The following RIMS1 variants were observed in gnomAD, a reference collection of about 807,000 sequenced individuals.
RIMS1 encodes regulating synaptic membrane exocytosis protein 1.
In RIMS1, 83 loss-of-function variants were observed where a neutral mutation model predicts 214.1. The observed-to-expected ratio is 0.39, with a 90% confidence interval of 0.32 to 0.47. The LOEUF is 0.47. Ranked by LOEUF, RIMS1 falls within the 20% of genes least tolerant of loss-of-function variation. The probability of loss-of-function intolerance (pLI) is 0.99; values close to 1 mark genes in which losing one functional copy is unlikely to be tolerated. For missense variants in RIMS1, 2,050 were observed against 2,161.8 expected, an observed-to-expected ratio of 0.95 and a Z score of 1.03; for synonymous variants, 793 against 786.8, an observed-to-expected ratio of 1.01 and a Z score of -0.13.
At position 72,390,679 on chromosome 6, in the gene RIMS1, G is replaced by A. The variant is rs1215459585; in HGVS notation, c.4448G>A (p.Arg1483Lys). ...GCAGCTGAAATGAGAAAGATGGTAA[G>A]GCAGCCGAGCCGAGAGTCTACTGAT... is the stretch of plus-strand genomic sequence containing the variant. The part of the protein sequence containing the change: ...GMAAEMRKMV[R>K]QPSRESTDGS... Residue 1483 changes from arginine (R) to lysine (K), a missense_variant, in exon 30 of 34, where the codon AGG becomes AAG. Arg to Lys is a conservative substitution (Grantham distance 26). Coordinates refer to ENST00000521978, the MANE Select transcript of RIMS1 (RefSeq NM_014989.7). 1.9e-6 allele frequency: 3 copies of A among 1,613,824 alleles called. No homozygotes were observed. In the African/African-American group the frequency reaches 4.0e-5, roughly 22 times the overall value.
intron 4 of RIMS1, among the ~76,000 whole-genome samples, chr6:72,114,499 A>AC (rs1255818696): frequency 1.3e-5 from 2 of 151,984 alleles, no homozygotes; most frequent in Non-Finnish European, 2.9e-5. Context: ...TTGTTATAAA[A>AC]ATTTTATGCT....
intron 2 of RIMS1, among the ~76,000 whole-genome samples, chr6:72,005,335 G>A (rs1340997199): frequency 6.6e-6 from 1 of 152,136 alleles, no homozygotes; most frequent in Non-Finnish European, 1.5e-5. Context: ...TTTGGCTTAG[G>A]ATTGACTTGG....
chr6:72,227,318 A>G (rs1167606744), intron 6 of RIMS1, among the ~76,000 whole-genome samples: 3 of 152,132 alleles, frequency 2.0e-5, no homozygotes, highest in Middle Eastern at 3.4e-3. Context: ...TGTTTTTAGT[A>G]TACATTTTTA....
intron 2 of RIMS1, among the ~76,000 whole-genome samples, chr6:72,067,941 G>A (rs1829710920): frequency 6.6e-6 from 1 of 152,152 alleles, no homozygotes; most frequent in Admixed American, 6.5e-5. Flanking sequence ...ATAACTGAGA[G>A]CTTAGAAAGA....
At chr6:72,230,509 C>A (rs978963650) in intron 6 of RIMS1, among the ~76,000 whole-genome samples, 3 of 151,516 alleles carry the variant, frequency 2.0e-5, no homozygotes, top group African/African-American at 7.3e-5. Context: ...CATGCTCAAT[C>A]GTGCCTGTAT....
At chr6:71,923,600 T>C (rs1460045421) in intron 1 of RIMS1, among the ~76,000 whole-genome samples, 4 of 151,856 alleles carry the variant, frequency 2.6e-5, no homozygotes, top group Admixed American at 1.3e-4. Flanking sequence ...AGAGTTTCGC[T>C]CTTGTTTCCC....
intron 2 of RIMS1, among the ~76,000 whole-genome samples, chr6:72,033,272 G>A (rs984973816): frequency 6.6e-6 from 1 of 152,184 alleles, no homozygotes; most frequent in Non-Finnish European, 1.5e-5. Flanking sequence ...GCATGTTACA[G>A]TATGCTGACC....
At chr6:72,014,430 T>G (rs1385732364) in intron 2 of RIMS1, among the ~76,000 whole-genome samples, 4 of 152,234 alleles carry the variant, frequency 2.6e-5, no homozygotes, top group Admixed American at 2.6e-4. Context: ...GCATGGAGCA[T>G]ATATAAATAT....
chr6:72,233,605 C>G (rs982757473), intron 6 of RIMS1, among the ~76,000 whole-genome samples, 168 bp from the exon 7 acceptor site: 6 of 151,578 alleles, frequency 4.0e-5, no homozygotes, highest in African/African-American at 1.5e-4. Flanking sequence ...TACGTTCATT[C>G]CAGTGATTCA....
intron 2 of RIMS1, among the ~76,000 whole-genome samples, chr6:71,980,680 T>G (rs569138826): frequency 6.6e-6 from 1 of 152,192 alleles, no homozygotes; most frequent in Admixed American, 6.6e-5. Context: ...TGGATGAGCG[T>G]ACGGCATTCC....
At chr6:72,317,262 G>A (rs752333244) in intron 28 of RIMS1, 3 of 302,306 alleles carry the variant, frequency 9.9e-6, no homozygotes, top group African/African-American at 2.1e-5. Flanking sequence ...GCAGGTCCTT[G>A]GTGAAGGCTC....
At chr6:72,175,447 T>C in intron 4 of RIMS1, 2 of 338,706 alleles carry the variant, frequency 5.9e-6, no homozygotes, top group Non-Finnish European at 5.8e-6. Flanking sequence ...CTGAGGAGGG[T>C]GGATCACCTG....
intron 6 of RIMS1, among the ~76,000 whole-genome samples, chr6:72,184,652 A>G (rs969094145): frequency 1.3e-5 from 2 of 152,188 alleles, no homozygotes; most frequent in African/African-American, 2.4e-5. Flanking sequence ...TCAAAAGTAG[A>G]AGCAGCTTCT....
At chr6:71,906,718 T>G (rs895574623) in intron 1 of RIMS1, among the ~76,000 whole-genome samples, 2 of 152,142 alleles carry the variant, frequency 1.3e-5, no homozygotes, top group African/African-American at 4.8e-5. Flanking sequence ...TTTTACTATA[T>G]GATCCTGATA....
intron 26 of RIMS1, among the ~76,000 whole-genome samples, chr6:72,294,433 G>A (rs1250350295): frequency 6.6e-6 from 1 of 151,580 alleles, no homozygotes; most frequent in Non-Finnish European, 1.5e-5. Context: ...TTTTAAAAAT[G>A]TTTAACAAAG....
chr6:71,999,582 T>C (rs1326944435), intron 2 of RIMS1, among the ~76,000 whole-genome samples: 1 of 152,168 alleles, frequency 6.6e-6, no homozygotes, highest in Non-Finnish European at 1.5e-5. Context: ...GTTTTAATAG[T>C]ATATAAACAT....
chr6:72,323,503 A>C (rs2096279491), intron 28 of RIMS1, among the ~76,000 whole-genome samples: 1 of 151,992 alleles, frequency 6.6e-6, no homozygotes, highest in Non-Finnish European at 1.5e-5. Flanking sequence ...AGTAAAACCA[A>C]GGATTAATGA....
intron 1 of RIMS1, among the ~76,000 whole-genome samples, chr6:71,957,148 A>T (rs1791529211): frequency 6.6e-6 from 1 of 152,166 alleles, no homozygotes. Context: ...TATTAACCAA[A>T]AACTTCTCTA....
chr6:72,275,018 G>A (rs1295898157), intron 23 of RIMS1, among the ~76,000 whole-genome samples: 1 of 150,442 alleles, frequency 6.6e-6, no homozygotes, highest in South Asian at 2.1e-4. Flanking sequence ...TCAGTGCTTT[G>A]AATCCACTTT....
Sources: gnomAD v4.1 joint callset for allele counts (sites outside exome capture counted in the v4.1 genomes callset) on GRCh38, gnomAD v4.1.1 for gene constraint, MANE v1.5 for transcripts, NCBI Gene and HGNC (gene_info 2026-07-23, HGNC 2026-07-21) for gene names.